The following PDLIM5 variants were observed in gnomAD, a reference collection of about 807,000 sequenced individuals.
PDLIM5 encodes the protein PDZ and LIM domain protein 5.
A neutral mutation model predicts 64.2 loss-of-function variants in PDLIM5; 34 were observed. The observed-to-expected ratio is 0.53, with a 90% CI of 0.40 to 0.71. The LOEUF is 0.71. Ranked by LOEUF, PDLIM5 falls within the 30% of genes least tolerant of loss-of-function variation. PDLIM5 has a pLI of 0.00. For synonymous variants in PDLIM5, 253 were observed against 269.1 expected (o/e 0.94, Z 0.59); for missense variants, 683 against 733.6 (o/e 0.93, Z 0.80).
intron 2 of PDLIM5, among the ~76,000 whole-genome samples, chr4:94,513,490 G>A (rs1729079374): frequency 6.6e-6 from 1 of 152,120 alleles, no homozygotes; most frequent in South Asian, 2.1e-4. Flanking sequence ...TGTGGCTGTT[G>A]TAAATGGGAT....
At chr4:94,590,234 C>A (rs1162070328) in intron 7 of PDLIM5, among the ~76,000 whole-genome samples, 2 of 152,132 alleles carry the variant, frequency 1.3e-5, no homozygotes, top group Non-Finnish European at 2.9e-5. Flanking sequence ...AGATAGACAT[C>A]TTAGAGTTTA....
chr4:94,464,985 G>T (rs928459073), intron 2 of PDLIM5, among the ~76,000 whole-genome samples: 4 of 152,082 alleles, frequency 2.6e-5, no homozygotes, highest in Non-Finnish European at 4.4e-5. Flanking sequence ...AGAACTGTAT[G>T]AGCTTCCCAT....
In PDLIM5 at chr4:94,523,793, A is replaced by G. The variant is rs1490161517; in HGVS notation, c.166A>G (p.Ile56Val). The G allele has an allele frequency of 1.4e-5, 23 of 1,612,518 alleles. No individual in the cohort carries two copies. Among genetic ancestry groups the G allele is most frequent in the African/African-American group, 5.3e-5 (4 of 74,880 alleles). ...CGATGTGGTTCTCAGCATTGATGGA[A>G]TAAATGCACAAGGAATGACTCATCT... is the stretch of plus-strand genomic sequence containing the variant. ...IGDVVLSIDG[I>V]NAQGMTHLEA... Residue 56 changes from isoleucine to valine, a missense_variant, in exon 3 of 13, where the codon ATA becomes GTA. By Grantham distance (29) the Ile-to-Val change is conservative. Coordinates refer to ENST00000317968, the MANE Select transcript of PDLIM5 (RefSeq NM_006457.5).
chr4:94,540,151 G>A (rs1478617215), intron 3 of PDLIM5, among the ~76,000 whole-genome samples: 1 of 138,962 alleles, frequency 7.2e-6, no homozygotes. Context: ...TTTTTTTTGA[G>A]ATGGAGTCTC....
At chr4:94,616,016 G>A (rs1201653595) in intron 7 of PDLIM5, among the ~76,000 whole-genome samples, 1 of 152,056 alleles carries the variant, frequency 6.6e-6, no homozygotes, top group African/African-American at 2.4e-5. Context: ...AGTTTGTCTG[G>A]CAGCTCTCCT....
intron 2 of PDLIM5, among the ~76,000 whole-genome samples, chr4:94,497,442 G>A (rs1471349019): frequency 1.3e-5 from 2 of 152,114 alleles, no homozygotes; most frequent in African/African-American, 2.4e-5. Flanking sequence ...GTAAAAAGTA[G>A]AGGAAGGACT....
intron 9 of PDLIM5, among the ~76,000 whole-genome samples, chr4:94,652,865 G>A (rs890496770): frequency 3.3e-5 from 5 of 151,982 alleles, no homozygotes; most frequent in Admixed American, 6.6e-5. Context: ...TACACCCCAC[G>A]TAAAAATTTT....
intron 7 of PDLIM5, among the ~76,000 whole-genome samples, chr4:94,604,156 T>C (rs893381441): frequency 6.6e-6 from 1 of 152,126 alleles, no homozygotes; most frequent in African/African-American, 2.4e-5. Context: ...AGTGAAATAC[T>C]ACTAAAAACA....
chr4:94,653,718 T>C (rs996133764), intron 9 of PDLIM5, among the ~76,000 whole-genome samples: 1 of 152,192 alleles, frequency 6.6e-6, no homozygotes, highest in Non-Finnish European at 1.5e-5. Context: ...TAATTAACAA[T>C]ACTACATTGT....
chr4:94,478,436 C>T (rs1264660211), intron 2 of PDLIM5, among the ~76,000 whole-genome samples: 3 of 151,938 alleles, frequency 2.0e-5, no homozygotes, highest in African/African-American at 4.8e-5. Flanking sequence ...GTTGGCACAT[C>T]CAATCCCCGC....
intron 3 of PDLIM5, among the ~76,000 whole-genome samples, chr4:94,525,097 T>C (rs1258129464): frequency 6.6e-6 from 1 of 152,152 alleles, no homozygotes; most frequent in African/African-American, 2.4e-5. Context: ...TAGTCTTCCA[T>C]AAATTATCAT....
intron 7 of PDLIM5, among the ~76,000 whole-genome samples, chr4:94,604,934 C>A (rs142694806): frequency 1.8e-3 from 281 of 152,254 alleles, no homozygotes; most frequent in African/African-American, 6.5e-3. Flanking sequence ...GTGACCTTAG[C>A]AAGATGCAGT....
chr4:94,536,280 G>A (rs1471619871), intron 3 of PDLIM5, among the ~76,000 whole-genome samples: 1 of 152,136 alleles, frequency 6.6e-6, no homozygotes, highest in East Asian at 1.9e-4. Context: ...GGAGTAACAT[G>A]AGAAGATTCT....
chr4:94,478,510 TA>T (rs986405037), intron 2 of PDLIM5, among the ~76,000 whole-genome samples: 1 of 152,132 alleles, frequency 6.6e-6, no homozygotes, highest in Non-Finnish European at 1.5e-5. Flanking sequence ...TGAACCTCCT[TA>T]AAAGTCAATG....
Position 94,636,317 on chromosome 4 carries a change from A to G in PDLIM5, c.1109-3959A>G, listed in dbSNP as rs1258604785. On this transcript the variant is annotated intron_variant, in intron 8 of 12. Coordinates refer to ENST00000317968, the MANE Select transcript of PDLIM5 (RefSeq NM_006457.5). ...AGGGTTTGGCTTTCTTTGAGGTCTG[A>G]TTTTCAGATTTTCCAATTGGTTACT... Among the ~76,000 whole-genome samples the G allele has an allele frequency of 2.6e-5, 4 of 151,430 alleles. No homozygotes were observed. In the East Asian group the frequency reaches 5.8e-4, roughly 22 times the overall value.
intron 5 of PDLIM5, chr4:94,582,582 T>G: frequency 1.7e-6 from 1 of 595,048 alleles, no homozygotes; most frequent in Non-Finnish European, 3.0e-6. Flanking sequence ...TGAAAATCAT[T>G]GTTTTGAATT....
chr4:94,583,779 G>A (rs1439978576), intron 5 of PDLIM5, among the ~76,000 whole-genome samples: 2 of 152,106 alleles, frequency 1.3e-5, no homozygotes, highest in Non-Finnish European at 2.9e-5. Context: ...CATAGTCGTA[G>A]AACATGTATT....
At chr4:94,568,873 A>G (rs1734567081) in intron 3 of PDLIM5, among the ~76,000 whole-genome samples, 2 of 152,238 alleles carry the variant, frequency 1.3e-5, no homozygotes, top group Admixed American at 1.3e-4. Context: ...TAAGTGTTAT[A>G]TCTTTGTTGG....
intron 7 of PDLIM5, 146 bp from the exon 8 acceptor site, chr4:94,617,858 C>T (rs1345037847): frequency 4.6e-6 from 2 of 431,276 alleles, no homozygotes; most frequent in Non-Finnish European, 8.1e-6. Context: ...GAGGCAATCC[C>T]TCAGTCATGA....
Sources: gnomAD v4.1 joint callset for allele counts (sites outside exome capture counted in the v4.1 genomes callset) on GRCh38, gnomAD v4.1.1 for gene constraint, MANE v1.5 for transcripts, NCBI Gene and HGNC (gene_info 2026-07-23, HGNC 2026-07-21) for gene names.